ZSCAN5B: variants seen among roughly 807,000 people sequenced by gnomAD.
ZSCAN5B encodes zinc finger and SCAN domain-containing protein 5B.
In ZSCAN5B, 26 loss-of-function variants were observed where a neutral mutation model predicts 25.2. The ratio of observed to expected loss-of-function variants is 1.03; its 90% CI spans 0.76 to 1.43. The LOEUF (loss-of-function observed/expected upper bound fraction) is 1.43, where lower values mean the gene tolerates loss of function less well. Among genes scored for constraint, ZSCAN5B ranks in the 40% most tolerant of loss-of-function variants. The pLI, the probability that ZSCAN5B is intolerant of heterozygous loss-of-function variation, is 0.00. For missense variants in ZSCAN5B, 745 were observed against 622.1 expected (o/e 1.20, Z -2.10); for synonymous variants, 244 against 240.9 (o/e 1.01, Z -0.12).
At chr19:56,195,071 G>A (rs2032792996) in intron 1 of ZSCAN5B, among the ~76,000 whole-genome samples, 1 of 152,140 alleles carries the variant, frequency 6.6e-6, no homozygotes, top group Non-Finnish European at 1.5e-5. Flanking sequence ...CTGCAGAGGG[G>A]AGAAAAAACT....
At chr19:56,190,781 C>A in intron 4 of ZSCAN5B, 56 bp downstream of exon 4, 3 of 1,578,228 alleles carry the variant, frequency 1.9e-6, no homozygotes, top group East Asian at 2.2e-5. Context: ...GGGCCCCCAG[C>A]CCCGCACCCC....
exon 5 of ZSCAN5B, chr19:56,190,143 C>A: frequency 1.9e-6 from 3 of 1,614,000 alleles, no homozygotes; most frequent in Non-Finnish European, 2.5e-6. Flanking sequence ...CTGCAAGAAG[C>A]GCTTCCGACA....
At chr19:56,189,809 G>A (rs2032697359) in exon 5 of ZSCAN5B, 4 of 1,593,160 alleles carry the variant, frequency 2.5e-6, no homozygotes, top group South Asian at 1.1e-5. Flanking sequence ...GGTGGAGGAT[G>A]TGGACCTGAC....
intron 3 of ZSCAN5B, 97 bp from the exon 4 acceptor site, chr19:56,191,084 A>C (rs1215453457): frequency 7.8e-6 from 12 of 1,541,238 alleles, no homozygotes; most frequent in African/African-American, 1.4e-5. Flanking sequence ...CAGACTTCCC[A>C]TGGACCACCC....
intron 1 of ZSCAN5B, 41 bp from the exon 2 acceptor site, chr19:56,193,220 A>C: frequency 9.4e-6 from 7 of 744,768 alleles, no homozygotes; most frequent in South Asian, 4.9e-5. Flanking sequence ...TTAACTTTCT[A>C]CTCCACACAC....
At position 56,190,027 on chromosome 19, in the gene ZSCAN5B, T is replaced by A. The variant is rs1355604344; in HGVS notation, c.1288A>T (p.Lys430Ter). 6.2e-7 allele frequency: 1 copy of A among 1,613,956 alleles called. No homozygotes were observed. The highest frequency in any genetic ancestry group is 1.1e-5 in the South Asian group (1 of 91,074). ...GGCCTCTCCCCGGTGTGGATCCTCT[T>A]GTGGCCCTGTAAGGTGGACTCGTGG... Residue 430 changes from lysine to a stop codon, truncating the protein, a stop_gained, in exon 5 of 5, where the codon AAG becomes TAG. Coordinates refer to ENST00000586855, the Ensembl canonical transcript of ZSCAN5B. LOFTEE classifies it low-confidence loss of function (END_TRUNC).
intron 3 of ZSCAN5B, among the ~76,000 whole-genome samples, chr19:56,191,507 G>A (rs987578930): frequency 6.6e-6 from 1 of 152,162 alleles, no homozygotes; most frequent in South Asian, 2.1e-4. Flanking sequence ...TGAGAAAGTG[G>A]GTTCCTTGCT....
intron 1 of ZSCAN5B, among the ~76,000 whole-genome samples, chr19:56,195,437 C>T (rs1368913244): frequency 1.3e-5 from 2 of 151,926 alleles, no homozygotes; most frequent in South Asian, 2.1e-4. Flanking sequence ...CACAAGGCAC[C>T]CCTCACGCCT....
Position 56,190,431 on chromosome 19 carries a change from C to T in ZSCAN5B, c.884G>A (p.Ser295Asn), listed in dbSNP as rs781402187. The change falls in exon 5 of 5, where the codon AGT becomes AAT. Residue 295 changes from serine to asparagine, a missense_variant. By Grantham distance (46) the Ser-to-Asn change is conservative (BLOSUM62 1). Coordinates refer to ENST00000586855, the Ensembl canonical transcript of ZSCAN5B. ...GGCATCTGGTTTGCTTCTTTTGGGACTGCTCAGATTCAGAGCATCTCCTCT... is the reference window on the plus strand; with the variant it reads ...GGCATCTGGTTTGCTTCTTTTGGGATTGCTCAGATTCAGAGCATCTCCTCT... The T allele has an allele frequency of 7.4e-6, 12 of 1,614,122 alleles. No individual in the cohort carries two copies. The South Asian group carries it at 1.2e-4, about 16-fold the overall frequency.
At chr19:56,197,379 G>C (rs1471730387) in intron 1 of ZSCAN5B, among the ~76,000 whole-genome samples, 1 of 151,798 alleles carries the variant, frequency 6.6e-6, no homozygotes, top group Non-Finnish European at 1.5e-5. Flanking sequence ...CGGGTATTAC[G>C]GGCGCCCGCC....
rs750287659 is a variant in ZSCAN5B, at chr19:56,191,007, A to G, written c.589-20T>C. 15 of 1,613,724 alleles carry G rather than the reference A, an allele frequency of 9.3e-6. No homozygotes were observed. Among genetic ancestry groups the G allele is most frequent in the Non-Finnish European group, 1.3e-5 (15 of 1,179,940 alleles). ...CTCTCCCTGAAGAGGAAAAACCAAGAGCAATGACTGCCGTGTCTATACTGG... is the reference window on the plus strand; with the variant it reads ...CTCTCCCTGAAGAGGAAAAACCAAGGGCAATGACTGCCGTGTCTATACTGG... On this transcript the variant is annotated intron_variant, in intron 3 of 4. Transcript: ENST00000586855.
chr19:56,195,784 A>T (rs2032802494), intron 1 of ZSCAN5B, among the ~76,000 whole-genome samples: 1 of 152,228 alleles, frequency 6.6e-6, no homozygotes, highest in South Asian at 2.1e-4. Context: ...AGCATCACTC[A>T]GTACACTCAC....
In ZSCAN5B at chr19:56,192,683, TTC is replaced by T. The variant is rs1399448680; in HGVS notation, c.368_369del (p.Arg123LysfsTer26). The T allele has an allele frequency of 6.3e-7, 1 of 1,591,372 alleles. No individual in the cohort carries two copies. Among genetic ancestry groups the T allele is most frequent in the African/African-American group, 1.3e-5 (1 of 74,290 alleles). On this transcript the variant is annotated frameshift_variant, in exon 2 of 5. Coordinates refer to ENST00000586855, the Ensembl canonical transcript of ZSCAN5B. LOFTEE classifies it high-confidence loss of function. ...TTCCCACTCACCCATTTCTTGGGTC[TTC>T]TGTTATTTCGTAGCAGGTCCTCCAG...
rs1457295120 is a variant in ZSCAN5B at position 56,192,064 on chromosome 19, A to G, written c.385-11T>C. 2 of 1,604,234 alleles carry G rather than the reference A, an allele frequency of 1.2e-6. No homozygotes were observed. The highest frequency in any genetic ancestry group is 1.3e-5 in the African/African-American group (1 of 74,822). ...CAAGTTGACTATAGACTGTAGAGAG[A>G]AAAAAGACAATCAGACACTATGAGA... On this transcript the variant is annotated splice_polypyrimidine_tract_variant and intron_variant, in intron 2 of 4. Transcript: ENST00000586855.
intron 2 of ZSCAN5B, among the ~76,000 whole-genome samples, chr19:56,192,434 C>G (rs1297876144): frequency 1.3e-5 from 2 of 152,180 alleles, no homozygotes; most frequent in African/African-American, 4.8e-5. Context: ...TTCTGGGCCC[C>G]CCTTCAGTTC....
At chr19:56,196,359 C>CT (rs202072685) in intron 1 of ZSCAN5B, among the ~76,000 whole-genome samples, 6 of 152,056 alleles carry the variant, frequency 3.9e-5, no homozygotes, top group Non-Finnish European at 5.9e-5. Context: ...GCCATTAAAA[C>CT]TTTTTTTTAA....
chr19:56,192,563 G>A, intron 2 of ZSCAN5B, 106 bp downstream of exon 2: 1 of 1,512,148 alleles, frequency 6.6e-7, no homozygotes, highest in Non-Finnish European at 8.9e-7. Context: ...CCATCTCCTA[G>A]GTCAGGTATT....
intron 4 of ZSCAN5B, 34 bp downstream of exon 4, chr19:56,190,803 A>C: frequency 6.2e-7 from 1 of 1,607,422 alleles, no homozygotes; most frequent in Non-Finnish European, 8.5e-7. Context: ...GAAGAGAGGG[A>C]CTAACCCCTG....
At chr19:56,191,701 A>C (rs964818677) in intron 3 of ZSCAN5B, 149 bp downstream of exon 3, 2 of 535,556 alleles carry the variant, frequency 3.7e-6, no homozygotes, top group East Asian at 6.5e-5. Flanking sequence ...GTGATGGCTC[A>C]GGAATGAATG....
Sources: gnomAD v4.1 joint callset for allele counts (sites outside exome capture counted in the v4.1 genomes callset) on GRCh38, gnomAD v4.1.1 for gene constraint, MANE v1.5 for transcripts, NCBI Gene and HGNC (gene_info 2026-07-23, HGNC 2026-07-21) for gene names.